NFE2L3: variants seen among roughly 807,000 people sequenced by gnomAD.
NFE2L3 encodes the protein nuclear factor erythroid 2-related factor 3.
In NFE2L3, 18 loss-of-function variants were observed where a neutral mutation model predicts 23.5. The ratio of observed to expected loss-of-function variants is 0.77; its 90% confidence interval spans 0.53 to 1.13. NFE2L3 has a LOEUF of 1.13. Ranked by LOEUF, NFE2L3 falls within the 50% of genes most tolerant of loss-of-function variation. NFE2L3 has a pLI of 0.00. For synonymous variants in NFE2L3, 424 were observed against 354.5 expected, an observed-to-expected ratio of 1.20 and a Z score of -2.20; for missense variants, 1,152 against 877.2, an observed-to-expected ratio of 1.31 and a Z score of -3.96.
intron 1 of NFE2L3, among the ~76,000 whole-genome samples, chr7:26,173,265 C>CA (rs1159596997): frequency 1.3e-5 from 2 of 152,028 alleles, no homozygotes; most frequent in African/African-American, 2.4e-5. Context: ...TTTCCCCCCA[C>CA]AAAAAAAGCC....
chr7:26,177,948 TG>T lies in NFE2L3; in HGVS notation c.580del (p.Val194TyrfsTer2). The T allele has an allele frequency of 1.9e-6, 3 of 1,611,452 alleles. No homozygotes were observed. The highest frequency in any genetic ancestry group is 2.5e-6 in the Non-Finnish European group (3 of 1,179,246). ...GAAATTTCGTACTTTTATAGGAGAA[TG>T]GGGTACTAAGAGAAAAGCACGAAGC... is the stretch of plus-strand genomic sequence containing the variant. ...DAGGCASEENGVLREKHEAVD... is the reference protein window; with the variant it reads ...DAGGCASEENXVLREKHEAVD... On this transcript the variant is annotated frameshift_variant, in exon 2 of 4. Transcript: ENST00000056233. LOFTEE classifies it high-confidence loss of function.
chr7:26,155,908 A>G (rs1445263517), intron 1 of NFE2L3, among the ~76,000 whole-genome samples: 2 of 152,100 alleles, frequency 1.3e-5, no homozygotes, highest in Non-Finnish European at 2.9e-5. Flanking sequence ...TTAAGTGGGA[A>G]AAGCCCATGG....
chr7:26,182,201 GTTTCATTATAAATAA>G (rs1474832263), intron 2 of NFE2L3, among the ~76,000 whole-genome samples: 1 of 152,116 alleles, frequency 6.6e-6, no homozygotes, highest in Non-Finnish European at 1.5e-5. Flanking sequence ...AGATAGAAAA[GTTTCATTATAAATAA>G]CACTGAGAGC....
chr7:26,182,942 A>G (rs561224325), intron 2 of NFE2L3, among the ~76,000 whole-genome samples: 1 of 152,084 alleles, frequency 6.6e-6, no homozygotes, highest in East Asian at 1.9e-4. Context: ...CCACAGGTGC[A>G]CACCACCACA....
intron 2 of NFE2L3, among the ~76,000 whole-genome samples, chr7:26,179,740 T>TA (rs1784474040): frequency 2.0e-5 from 3 of 152,126 alleles, no homozygotes; most frequent in Admixed American, 1.3e-4. Context: ...CACACTGGGC[T>TA]AAAATTCAGC....
At chr7:26,176,866 A>ATG in intron 1 of NFE2L3, among the ~76,000 whole-genome samples, 1 of 42,302 alleles carries the variant, frequency 2.4e-5, no homozygotes, top group Non-Finnish European at 4.2e-5. Flanking sequence ...GGGCAGAGGC[A>ATG]CTCCTCACCT....
chr7:26,153,731 C>G (rs1289801445), intron 1 of NFE2L3, among the ~76,000 whole-genome samples: 1 of 152,154 alleles, frequency 6.6e-6, no homozygotes, highest in Admixed American at 6.5e-5. Context: ...CTAACAAGTT[C>G]CCTTTGGTTT....
chr7:26,185,288 C>G lies in NFE2L3; in HGVS notation c.1590C>G (p.Asp530Glu). 6.2e-7 allele frequency: 1 copy of G among 1,614,098 alleles called. No homozygotes were observed. Among genetic ancestry groups the G allele is most frequent in the Non-Finnish European group, 8.5e-7 (1 of 1,179,994 alleles). ...SQKIRSRYLE[D>E]TDRNLSRDEQ... ...AGATAAGGAGTAGATACCTTGAAGACACAGATAGAAACTTGAGCCGTGATG... is the reference window on the plus strand; with the variant it reads ...AGATAAGGAGTAGATACCTTGAAGAGACAGATAGAAACTTGAGCCGTGATG... Residue 530 changes from aspartate to glutamate, a missense_variant, in exon 4 of 4, where the codon GAC becomes GAG. Transcript: ENST00000056233.
Position 26,187,005 on chromosome 7 carries a change from TCA to T in NFE2L3, c.*1223_*1224del, listed in dbSNP as rs1782503378. ...GTCCAAATTTTCAAAATGAAGTTTCTCAGATATTATTTCTGCCATAGGAGCTA... is the reference window on the plus strand; with the variant it reads ...GTCCAAATTTTCAAAATGAAGTTTCTGATATTATTTCTGCCATAGGAGCTA... On this transcript the variant is annotated 3_prime_UTR_variant, in exon 4 of 4. Coordinates refer to ENST00000056233, the MANE Select transcript of NFE2L3 (RefSeq NM_004289.7). 6.6e-6 allele frequency: 1 copy of T among 152,110 alleles called. No homozygotes were observed. The highest frequency in any genetic ancestry group is 2.4e-5 in the African/African-American group (1 of 41,348). The allele number at this position is 152,110 out of a possible 1,614,324, so 9.4% of individuals were successfully genotyped here.
At position 26,186,663 on chromosome 7, in the gene NFE2L3, C is replaced by T. The variant is rs1368105702; in HGVS notation, c.*880C>T. The T allele has an allele frequency of 1.3e-5, 2 of 152,118 alleles. No homozygotes were observed. The highest frequency in any genetic ancestry group is 2.9e-5 in the Non-Finnish European group (2 of 68,030). 9.4% of individuals were successfully genotyped at this position (152,118 alleles called of 1,614,324 possible). Reference sequence around the variant, plus strand: ...CAGTAAAGCCAGCCTGAAGGGATGGCCTCACCATCTTAGAATACTGAGATC... The same window carrying T: ...CAGTAAAGCCAGCCTGAAGGGATGGTCTCACCATCTTAGAATACTGAGATC... On this transcript the variant is annotated 3_prime_UTR_variant, in exon 4 of 4. Coordinates refer to ENST00000056233, the MANE Select transcript of NFE2L3 (RefSeq NM_004289.7).
rs749488780 is a variant in NFE2L3, at chr7:26,185,467, T to C, written c.1769T>C (p.Val590Ala). 30 of 1,613,950 alleles carry C rather than the reference T, an allele frequency of 1.9e-5. No homozygotes were observed. The highest frequency in any genetic ancestry group is 1.8e-4 in the East Asian group (8 of 44,898). Reference protein sequence around the residue: ...RDIRRRGKNKVAAQNCRKRKL... With the variant: ...RDIRRRGKNKAAAQNCRKRKL... ...ATCAGACGAAGAGGGAAAAATAAAG[T>C]TGCTGCGCAGAACTGTCGTAAACGC... Residue 590 changes from valine (V) to alanine (A), a missense_variant, in exon 4 of 4, where the codon GTT becomes GCT. Val to Ala is a moderately conservative substitution (Grantham distance 64). Transcript: ENST00000056233.
chr7:26,179,413 T>A (rs773268170), intron 2 of NFE2L3, among the ~76,000 whole-genome samples: 2 of 151,176 alleles, frequency 1.3e-5, no homozygotes, highest in Non-Finnish European at 2.9e-5. Flanking sequence ...GGTGGGAGGA[T>A]CACCTGAGCC....
rs1010662204 is a variant in NFE2L3, at chr7:26,180,700, G to A, written c.750+2578G>A. 3.9e-5 allele frequency among the ~76,000 whole-genome samples: 6 copies of A among 152,300 alleles called. No homozygotes were observed. In the South Asian group the frequency reaches 1.0e-3, roughly 26 times the overall value. On this transcript the variant is annotated intron_variant, in intron 2 of 3. Transcript: ENST00000056233. ...TGGGCTTCCCAGAAAAGCAAGAACTGTAACAAACTAATTCACTGCTAGGCA... is the reference window on the plus strand; with the variant it reads ...TGGGCTTCCCAGAAAAGCAAGAACTATAACAAACTAATTCACTGCTAGGCA...
chr7:26,167,613 T>C (rs1389414191), intron 1 of NFE2L3, among the ~76,000 whole-genome samples: 1 of 152,216 alleles, frequency 6.6e-6, no homozygotes, highest in Non-Finnish European at 1.5e-5. Flanking sequence ...GGGTTTAACT[T>C]GTCTATTCTT....
intron 2 of NFE2L3, 113 bp from the exon 3 acceptor site, chr7:26,183,588 G>C: frequency 1.5e-6 from 1 of 684,974 alleles, no homozygotes; most frequent in South Asian, 1.8e-5. Context: ...GAACATAATA[G>C]CATAAAAATC....
intron 1 of NFE2L3, among the ~76,000 whole-genome samples, chr7:26,169,914 A>G (rs1231431683): frequency 6.6e-6 from 1 of 151,660 alleles, no homozygotes. Context: ...CCTGGGCAAC[A>G]TGGCGAGACC....
intron 1 of NFE2L3, among the ~76,000 whole-genome samples, chr7:26,154,817 A>C (rs1373344947): frequency 6.6e-6 from 1 of 152,208 alleles, no homozygotes; most frequent in Non-Finnish European, 1.5e-5. Flanking sequence ...CTGGGTTTAC[A>C]GGCATGAGCC....
intron 2 of NFE2L3, 145 bp downstream of exon 2, chr7:26,178,267 A>T: frequency 1.5e-6 from 1 of 650,090 alleles, no homozygotes; most frequent in South Asian, 2.2e-5. Flanking sequence ...TATGTCTTTA[A>T]GTTATGGGAG....
In NFE2L3 at chr7:26,184,685, A is replaced by C. The variant is rs776742504; in HGVS notation, c.987A>C (p.Arg329Ser). Residue 329 changes from arginine (R) to serine (S), a missense_variant, in exon 4 of 4, where the codon AGA (arginine) becomes AGC (serine). Transcript: ENST00000056233. The stretch of plus-strand genomic sequence containing the variant: ...TTTGTCCCAACAATACATTTAGAAG[A>C]GATCCAACAGCAAGGACTTCACAGT... Reference protein sequence around the residue: ...ILLCPNNTFRRDPTARTSQSQ... With the variant: ...ILLCPNNTFRSDPTARTSQSQ... 1.9e-6 allele frequency: 3 copies of C among 1,613,918 alleles called. No individual in the cohort carries two copies. In the South Asian group the frequency reaches 3.3e-5, roughly 18 times the overall value.
Sources: gnomAD v4.1 joint callset for allele counts (sites outside exome capture counted in the v4.1 genomes callset) on GRCh38, gnomAD v4.1.1 for gene constraint, MANE v1.5 for transcripts, NCBI Gene and HGNC (gene_info 2026-07-23, HGNC 2026-07-21) for gene names.